The following UEVLD variants were observed in gnomAD, a reference collection of about 807,000 sequenced individuals.
The protein encoded by UEVLD is ubiquitin-conjugating enzyme E2 variant 3.
Under a neutral mutation model 58.6 loss-of-function variants are expected in UEVLD, and 47 were observed. That is an observed-to-expected ratio of 0.80 (90% CI 0.63 to 1.02). The LOEUF is 1.02. Among genes scored for constraint, UEVLD ranks in the 50% least tolerant of loss-of-function variants. The pLI, the probability that UEVLD is intolerant of heterozygous loss-of-function variation, is 0.00. For synonymous variants in UEVLD, 197 were observed against 195.3 expected (o/e 1.01, Z -0.07); for missense variants, 510 against 550.6 (o/e 0.93, Z 0.74).
intron 1 of UEVLD, among the ~76,000 whole-genome samples, chr11:18,588,306 CAG>C (rs764334793): frequency 4.2e-4 from 64 of 152,220 alleles, no homozygotes; most frequent in Non-Finnish European, 8.4e-4. Context: ...ACCATTTCAG[CAG>C]AGAGAAAGAG....
intron 7 of UEVLD, 33 bp downstream of exon 7, chr11:18,558,195 T>G: frequency 6.7e-7 from 1 of 1,493,704 alleles, no homozygotes; most frequent in East Asian, 2.3e-5. Context: ...GAAGATCTAA[T>G]AAGGCATACA....
At chr11:18,566,755 T>C (rs763232691) in intron 4 of UEVLD, among the ~76,000 whole-genome samples, 1 of 152,228 alleles carries the variant, frequency 6.6e-6, no homozygotes, top group Non-Finnish European at 1.5e-5. Context: ...ACACATTATA[T>C]GATACTTTTA....
intron 7 of UEVLD, 35 bp from the exon 8 acceptor site, chr11:18,547,085 T>TA (rs1851334312): frequency 6.3e-7 from 1 of 1,586,992 alleles, no homozygotes; most frequent in African/African-American, 1.4e-5. Context: ...GAGCTGAAGA[T>TA]ACAGGCTTTA....
intron 2 of UEVLD, among the ~76,000 whole-genome samples, chr11:18,578,065 C>T (rs1028158841): frequency 1.3e-5 from 2 of 152,054 alleles, no homozygotes; most frequent in Non-Finnish European, 2.9e-5. Flanking sequence ...GAATATGTCA[C>T]CTTACTTGGC....
rs1046021708 is a variant in UEVLD at position 18,558,299 on chromosome 11, A to G, written c.644T>C (p.Leu215Pro). The G allele has an allele frequency of 2.5e-6, 4 of 1,613,142 alleles. No individual in the cohort carries two copies. Among genetic ancestry groups the G allele is most frequent in the Non-Finnish European group, 1.7e-6 (2 of 1,179,594 alleles). Residue 215 changes from leucine to proline, a missense_variant, in exon 7 of 12, where the codon CTC becomes CCC. Leu to Pro is a moderately conservative substitution (Grantham distance 98). Coordinates refer to ENST00000396197, the MANE Select transcript of UEVLD (RefSeq NM_001040697.4). ...GIADRLVLLD[L>P]SEGTKGATMD... Reference sequence around the variant, plus strand: ...CGTGGCTCCTTTAGTCCCTTCTGAGAGGTCTAAGAGGACAAGCCTGTCTGC... The same window carrying G: ...CGTGGCTCCTTTAGTCCCTTCTGAGGGGTCTAAGAGGACAAGCCTGTCTGC...
intron 7 of UEVLD, among the ~76,000 whole-genome samples, chr11:18,557,308 T>C (rs912010998): frequency 6.7e-6 from 1 of 149,716 alleles, no homozygotes; most frequent in Non-Finnish European, 1.5e-5. Context: ...CCCGCCACCA[T>C]GCCCGGCTAA....
chr11:18,558,318 T>C lies in UEVLD; in HGVS notation c.625A>G (p.Arg209Gly). The change falls in exon 7 of 12, where the codon AGG (arginine) becomes GGG (glycine). Residue 209 changes from arginine (R) to glycine (G), a missense_variant. Arg to Gly is a moderately radical substitution (Grantham distance 125). Coordinates refer to ENST00000396197, the MANE Select transcript of UEVLD (RefSeq NM_001040697.4). ...LAISAKGIAD[R>G]LVLLDLSEGT... Reference sequence around the variant, plus strand: ...TCTGAGAGGTCTAAGAGGACAAGCCTGTCTGCAATACCCTGTACAGTAAGA... The same window carrying C: ...TCTGAGAGGTCTAAGAGGACAAGCCCGTCTGCAATACCCTGTACAGTAAGA... 1.2e-6 allele frequency: 2 copies of C among 1,611,198 alleles called. No homozygotes were observed. Among genetic ancestry groups the C allele is most frequent in the East Asian group, 2.2e-5 (1 of 44,850 alleles).
At chr11:18,550,304 TCTC>T (rs1322664050) in intron 7 of UEVLD, among the ~76,000 whole-genome samples, 1 of 152,176 alleles carries the variant, frequency 6.6e-6, no homozygotes, top group Non-Finnish European at 1.5e-5. Context: ...TTCTTTAAAT[TCTC>T]CTACATAAAC....
chr11:18,554,925 C>A, intron 7 of UEVLD, among the ~76,000 whole-genome samples: 1 of 152,090 alleles, frequency 6.6e-6, no homozygotes, highest in East Asian at 1.9e-4. Context: ...TTTAATTCCC[C>A]GAATTATTGA....
rs549255137 is a variant in UEVLD at position 18,546,688 on chromosome 11, G to A, written c.886+192C>T. On this transcript the variant is annotated intron_variant, in intron 8 of 11. Coordinates refer to ENST00000396197, the MANE Select transcript of UEVLD (RefSeq NM_001040697.4). ...TAACTTTTGTATTTTTGGTAGAGAC[G>A]GGGTTTCACCATGTTGGTCAGGATG... Among the ~76,000 whole-genome samples the A allele has an allele frequency of 9.9e-5, 15 of 151,878 alleles. No individual in the cohort carries two copies. The East Asian group carries it at 2.1e-3, about 22-fold the overall frequency.
chr11:18,551,414 C>CTTTATTTA (rs748654233), intron 7 of UEVLD, among the ~76,000 whole-genome samples: 4 of 143,940 alleles, frequency 2.8e-5, no homozygotes, highest in Non-Finnish European at 6.0e-5. Flanking sequence ...CCGAGTAAGA[C>CTTTATTTA]TCCATCACAA....
intron 7 of UEVLD, among the ~76,000 whole-genome samples, chr11:18,555,596 A>G (rs1851723932): frequency 6.6e-6 from 1 of 152,038 alleles, no homozygotes; most frequent in Non-Finnish European, 1.5e-5. Context: ...TAAAAAAAAT[A>G]AACAAATGAA....
intron 10 of UEVLD, among the ~76,000 whole-genome samples, chr11:18,536,051 T>C (rs1447787506): frequency 1.3e-5 from 2 of 152,172 alleles, no homozygotes; most frequent in African/African-American, 2.4e-5. Flanking sequence ...GGGGAATCGC[T>C]TGAACCCGGG....
intron 6 of UEVLD, among the ~76,000 whole-genome samples, chr11:18,559,489 A>G (rs1851911854): frequency 6.6e-6 from 1 of 152,114 alleles, no homozygotes; most frequent in Admixed American, 6.6e-5. Flanking sequence ...ATGAGCCACT[A>G]TGCCTGGCCC....
chr11:18,575,224 G>T, intron 3 of UEVLD, 123 bp downstream of exon 3: 2 of 1,010,046 alleles, frequency 2.0e-6, no homozygotes, highest in East Asian at 2.5e-5. Context: ...GATCCAGTAA[G>T]GTTCTGTATA....
chr11:18,573,152 A>G (rs1481441433), intron 3 of UEVLD, among the ~76,000 whole-genome samples: 1 of 152,254 alleles, frequency 6.6e-6, no homozygotes, highest in African/African-American at 2.4e-5. Flanking sequence ...GGACAGGCAT[A>G]GTGCCAATCA....
intron 3 of UEVLD, 138 bp downstream of exon 3, chr11:18,575,209 G>T: frequency 1.2e-6 from 1 of 849,670 alleles, no homozygotes. Flanking sequence ...TCCTTGACTG[G>T]AACAGATCCA....
rs1228298100 is a variant in UEVLD, at chr11:18,566,369, G to A, written c.471C>T (p.Ala157=). 6.2e-7 allele frequency: 1 copy of A among 1,613,902 alleles called. No individual in the cohort carries two copies. Among genetic ancestry groups the A allele is most frequent in the Admixed American group, 1.7e-5 (1 of 59,970 alleles). The change falls in exon 5 of 12, where the codon GCC becomes GCT. Residue 157 remains alanine, a synonymous_variant. Transcript: ENST00000396197. ...AACCTTCAGTGATTTTTGCAATATA[G>A]GCTAGCAAGTCTACCTGCCGTGCCT... The part of the protein sequence containing the change: ...SDEARQVDLL[A]YIAKITEGVS...
At chr11:18,557,061 C>A (rs1296264288) in intron 7 of UEVLD, among the ~76,000 whole-genome samples, 4 of 145,234 alleles carry the variant, frequency 2.8e-5, no homozygotes, top group Non-Finnish European at 6.0e-5. Flanking sequence ...ACTGCACTCA[C>A]GCCTGGGTGA....
Sources: allele counts gnomAD v4.1 joint callset (sites outside exome capture counted in the v4.1 genomes callset), GRCh38; gene constraint gnomAD v4.1.1; transcripts MANE v1.5; gene names NCBI Gene and HGNC (gene_info 2026-07-23, HGNC 2026-07-21).